PIBF1: variants seen among roughly 807,000 people sequenced by gnomAD.
PIBF1 encodes the protein progesterone-induced-blocking factor 1.
A neutral mutation model predicts 112.5 loss-of-function variants in PIBF1; 90 were observed. The observed-to-expected ratio is 0.80, with a 90% CI of 0.67 to 0.95. The LOEUF is 0.95. PIBF1 is among the 40% of genes least tolerant of loss of function. PIBF1 has a pLI of 0.00. For synonymous variants in PIBF1, 301 were observed against 288.6 expected (o/e 1.04, Z -0.44); for missense variants, 915 against 852.3 (o/e 1.07, Z -0.92).
intron 13 of PIBF1, 39 bp downstream of exon 13, chr13:72,917,205 G>C: frequency 8.2e-7 from 1 of 1,219,388 alleles, no homozygotes; most frequent in Non-Finnish European, 1.1e-6. Flanking sequence ...ATCTACTCAA[G>C]ATGAATGTAA....
intron 16 of PIBF1, among the ~76,000 whole-genome samples, chr13:72,998,161 A>G (rs993801479): frequency 2.0e-5 from 3 of 152,242 alleles, no homozygotes; most frequent in African/African-American, 7.2e-5. Flanking sequence ...TTCAAAGGAA[A>G]TGCGACAGTT....
At chr13:72,798,325 C>G (rs1255463062) in intron 5 of PIBF1, among the ~76,000 whole-genome samples, 1 of 152,116 alleles carries the variant, frequency 6.6e-6, no homozygotes, top group Non-Finnish European at 1.5e-5. Context: ...GCTGTGTATC[C>G]TTAGATGACG....
intron 5 of PIBF1, among the ~76,000 whole-genome samples, chr13:72,808,740 C>A (rs2035861561): frequency 6.6e-6 from 1 of 152,150 alleles, no homozygotes; most frequent in African/African-American, 2.4e-5. Flanking sequence ...TCATTTAGAG[C>A]AGCTGCAGTT....
intron 15 of PIBF1, among the ~76,000 whole-genome samples, chr13:72,970,054 A>G (rs747216445): frequency 1.3e-5 from 2 of 152,076 alleles, no homozygotes; most frequent in East Asian, 1.9e-4. Context: ...TTCTAATTCA[A>G]TAAAAACTCT....
intron 16 of PIBF1, among the ~76,000 whole-genome samples, chr13:72,981,434 A>G (rs1338409329): frequency 6.6e-6 from 1 of 152,152 alleles, no homozygotes; most frequent in Admixed American, 6.6e-5. Flanking sequence ...GGAGATCCAT[A>G]GCAGAGTCAT....
intron 8 of PIBF1, among the ~76,000 whole-genome samples, chr13:72,828,427 G>T (rs2036932474): frequency 6.6e-6 from 1 of 151,766 alleles, no homozygotes; most frequent in Non-Finnish European, 1.5e-5. Context: ...CCCTCCCCTA[G>T]CCCCCCACTC....
At position 72,821,886 on chromosome 13, in the gene PIBF1, A is replaced by G. The variant is rs1370194362; in HGVS notation, c.710A>G (p.Gln237Arg). 6.2e-7 allele frequency: 1 copy of G among 1,612,846 alleles called. No homozygotes were observed. Among genetic ancestry groups the G allele is most frequent in the Non-Finnish European group, 8.5e-7 (1 of 1,179,236 alleles). ...EEDRKNYSEVQIRCQRLALEL... is the reference protein window; with the variant it reads ...EEDRKNYSEVRIRCQRLALEL... Reference sequence around the variant, plus strand: ...GATCGAAAAAACTACTCTGAAGTTCAAATTAGATGTCAACGTTTGGCCTTA... The same window carrying G: ...GATCGAAAAAACTACTCTGAAGTTCGAATTAGATGTCAACGTTTGGCCTTA... Residue 237 changes from glutamine to arginine, a missense_variant, in exon 6 of 18, where the codon CAA becomes CGA. Gln to Arg is a conservative substitution (Grantham distance 43). Transcript: ENST00000326291.
chr13:72,874,405 A>C (rs954432528), intron 10 of PIBF1, among the ~76,000 whole-genome samples: 4 of 152,262 alleles, frequency 2.6e-5, no homozygotes, highest in African/African-American at 9.6e-5. Context: ...ATAGCAATAA[A>C]AAAGGAGGAA....
intron 14 of PIBF1, among the ~76,000 whole-genome samples, chr13:72,952,052 T>C (rs2042314067): frequency 1.7e-5 from 2 of 120,020 alleles, no homozygotes; most frequent in South Asian, 6.3e-4. Flanking sequence ...TTTTTTTTTT[T>C]GAGATGGAGT....
chr13:72,868,366 A>G (rs2039013059), intron 10 of PIBF1, among the ~76,000 whole-genome samples: 2 of 152,120 alleles, frequency 1.3e-5, no homozygotes, highest in African/African-American at 2.4e-5. Context: ...ATGCACCCAG[A>G]TCATCCTAGT....
At chr13:72,833,347 C>T (rs1033957768) in intron 8 of PIBF1, among the ~76,000 whole-genome samples, 4 of 152,162 alleles carry the variant, frequency 2.6e-5, no homozygotes, top group Admixed American at 6.6e-5. Flanking sequence ...GGAAAAGAGG[C>T]GTTCTGAGTT....
intron 5 of PIBF1, among the ~76,000 whole-genome samples, chr13:72,806,951 A>G (rs145098164): frequency 4.3e-4 from 65 of 149,786 alleles, no homozygotes; most frequent in African/African-American, 1.4e-3. Context: ...GTCTTCCACA[A>G]TTGTCTTTCA....
chr13:72,796,547 A>G (rs531740672), intron 4 of PIBF1, among the ~76,000 whole-genome samples: 3 of 151,978 alleles, frequency 2.0e-5, no homozygotes, highest in South Asian at 2.1e-4. Flanking sequence ...AATGTTGTCT[A>G]TTGTTTTTGC....
intron 10 of PIBF1, among the ~76,000 whole-genome samples, chr13:72,857,961 T>C (rs2038504041): frequency 6.6e-6 from 1 of 152,190 alleles, no homozygotes; most frequent in South Asian, 2.1e-4. Context: ...AGTGGGAGTT[T>C]AAATTGGTAC....
intron 13 of PIBF1, among the ~76,000 whole-genome samples, chr13:72,924,791 C>T (rs1383490632): frequency 1.3e-5 from 2 of 152,082 alleles, no homozygotes; most frequent in East Asian, 3.9e-4. Context: ...GGATAAGACT[C>T]CTGTCATTTT....
chr13:72,934,090 C>G (rs2041792283), intron 14 of PIBF1, among the ~76,000 whole-genome samples: 1 of 152,148 alleles, frequency 6.6e-6, no homozygotes, highest in African/African-American at 2.4e-5. Flanking sequence ...TAACTTTTCC[C>G]TTAAGATTGA....
intron 5 of PIBF1, 138 bp from the exon 6 acceptor site, chr13:72,821,711 A>G (rs1041266869): frequency 5.3e-6 from 3 of 561,006 alleles, no homozygotes; most frequent in Non-Finnish European, 8.7e-6. Context: ...AAAAATTACT[A>G]AATTTAAAAA....
chr13:72,927,978 CAT>C (rs201688143), intron 13 of PIBF1, among the ~76,000 whole-genome samples: 5 of 74,400 alleles, frequency 6.7e-5, no homozygotes, highest in Admixed American at 3.0e-4. Context: ...TATATATATA[CAT>C]ATATATATAC....
chr13:72,996,619 C>T (rs1161494890), intron 16 of PIBF1, among the ~76,000 whole-genome samples: 3 of 152,138 alleles, frequency 2.0e-5, no homozygotes, highest in African/African-American at 4.8e-5. Context: ...AAGACCTCAT[C>T]TCTACCAAAA....
Sources: gnomAD v4.1 joint callset for allele counts (sites outside exome capture counted in the v4.1 genomes callset) on GRCh38, gnomAD v4.1.1 for gene constraint, MANE v1.5 for transcripts, NCBI Gene and HGNC (gene_info 2026-07-23, HGNC 2026-07-21) for gene names.